Variants in RNF157 observed in about 807,000 individuals in gnomAD.
RNF157 encodes the protein ring finger protein 157, also known as E3 ubiquitin ligase RNF157.
RNF157 carries 55 observed loss-of-function variants against 88.3 expected under a neutral mutation model. That is an observed-to-expected ratio of 0.62 (90% CI 0.50 to 0.78). The LOEUF is 0.78. Among genes scored for constraint, RNF157 ranks in the 30% least tolerant of loss-of-function variants. The pLI, the probability that RNF157 is intolerant of heterozygous loss-of-function variation, is 0.00. For synonymous variants in RNF157, 334 were observed against 341.2 expected (o/e 0.98, Z 0.23); for missense variants, 788 against 860.8 (o/e 0.92, Z 1.06).
chr17:76,149,154 AG>A (rs2068634238), intron 18 of RNF157, among the ~76,000 whole-genome samples: 1 of 152,064 alleles, frequency 6.6e-6, no homozygotes, highest in African/African-American at 2.4e-5. Flanking sequence ...GAAGCTTCTT[AG>A]GGGGAGAGGG....
In RNF157 at chr17:76,191,573, C is replaced by G. The variant is rs146403963; in HGVS notation, c.208-17783G>C. Among the ~76,000 whole-genome samples, 397 of 146,828 alleles carry G rather than the reference C, an allele frequency of 2.7e-3. 4 individuals carry two copies. Among genetic ancestry groups the G allele is most frequent in the African/African-American group, 9.6e-3 (377 of 39,172 alleles). On this transcript the variant is annotated intron_variant, in intron 2 of 18. Coordinates refer to ENST00000269391, the MANE Select transcript of RNF157 (RefSeq NM_052916.3). ...CTGAGATCACGCCACTGCACTCCAG[C>G]CTGGGCGACAGAGCAAGACTCCGCC...
intron 13 of RNF157, 136 bp from the exon 14 acceptor site, chr17:76,156,457 G>A (rs1016591682): frequency 5.3e-5 from 77 of 1,464,604 alleles, no homozygotes; most frequent in Non-Finnish European, 6.3e-5. Flanking sequence ...GGCATGCAGA[G>A]GCCGCAGCTT....
At position 76,161,800 on chromosome 17, in the gene RNF157, C is replaced by T. The variant is rs2068849306; in HGVS notation, c.952+43G>A. On this transcript the variant is annotated intron_variant, in intron 10 of 18. Transcript: ENST00000269391. The surrounding 1 kb of genome is among the most constrained non-coding windows in gnomAD (Gnocchi z 4.6). The stretch of plus-strand genomic sequence containing the variant: ...CAGTGTTTTGTAAATGTCCTCTTGT[C>T]CCCTCTCCCACCCACCAGTCCCCCT... 1.2e-6 allele frequency: 2 copies of T among 1,601,318 alleles called. No individual in the cohort carries two copies. Among genetic ancestry groups the T allele is most frequent in the Non-Finnish European group, 1.7e-6 (2 of 1,171,208 alleles).
chr17:76,150,850 C>T (rs1293996680), intron 18 of RNF157, among the ~76,000 whole-genome samples: 1 of 152,224 alleles, frequency 6.6e-6, no homozygotes, highest in Non-Finnish European at 1.5e-5. Context: ...TGTGTGCGTG[C>T]CCAGCAAGCT....
chr17:76,146,909 C>T lies in RNF157; in HGVS notation c.1922-1556G>A, dbSNP rs1196840463. The T allele has an allele frequency of 1.0e-6, 1 of 985,298 alleles. No individual in the cohort carries two copies. Among genetic ancestry groups the T allele is most frequent in the Non-Finnish European group, 1.2e-6 (1 of 829,922 alleles). The allele number at this position is 985,298 out of a possible 1,614,324, so 61.0% of individuals were successfully genotyped here. ...TCAGGCCAGCCCAGGACATGAAACC[C>T]TTTAATGGCATGTAGAGTCAACAGG... On this transcript the variant is annotated intron_variant, in intron 18 of 18. Coordinates refer to ENST00000269391, the MANE Select transcript of RNF157 (RefSeq NM_052916.3). This position sits in a 1 kb window ranked among gnomAD's most constrained non-coding sequence, Gnocchi z 4.2.
chr17:76,196,769 G>C (rs2069484656), intron 2 of RNF157, among the ~76,000 whole-genome samples: 2 of 152,076 alleles, frequency 1.3e-5, no homozygotes, highest in Admixed American at 1.3e-4. Context: ...GAGTCTTCCT[G>C]ATTCCCTATC....
chr17:76,173,859 G>A, intron 2 of RNF157, 69 bp from the exon 3 acceptor site: 2 of 1,358,486 alleles, frequency 1.5e-6, no homozygotes, highest in South Asian at 2.5e-5. Flanking sequence ...TCGCTTTACA[G>A]TTTGCCAAGA....
chr17:76,173,241 G>T (rs2069048007), intron 3 of RNF157, among the ~76,000 whole-genome samples: 1 of 151,846 alleles, frequency 6.6e-6, no homozygotes, highest in Non-Finnish European at 1.5e-5. Context: ...AGCCGAGATT[G>T]CGCCACTGCA....
At chr17:76,187,450 C>G (rs2069312263) in intron 2 of RNF157, among the ~76,000 whole-genome samples, 1 of 152,028 alleles carries the variant, frequency 6.6e-6, no homozygotes, top group South Asian at 2.1e-4. Context: ...ACCCAAAGTG[C>G]TGGGATTACA....
At chr17:76,214,087 G>A (rs1263450712) in intron 1 of RNF157, among the ~76,000 whole-genome samples, 1 of 152,162 alleles carries the variant, frequency 6.6e-6, no homozygotes, top group Non-Finnish European at 1.5e-5. Context: ...CTTTCTGGTT[G>A]GTTAGTTGGA....
chr17:76,156,792 C>T (rs1371343764), intron 13 of RNF157, among the ~76,000 whole-genome samples: 1 of 152,196 alleles, frequency 6.6e-6, no homozygotes, highest in African/African-American at 2.4e-5. Flanking sequence ...CAGCCTGCTG[C>T]TCCTCCCACA....
chr17:76,158,187 C>T lies in RNF157; in HGVS notation c.1413+206G>A, dbSNP rs554794795. Among the ~76,000 whole-genome samples the T allele has an allele frequency of 7.2e-5, 11 of 152,334 alleles. No homozygotes were observed. In the South Asian group the frequency reaches 2.3e-3, roughly 32 times the overall value. On this transcript the variant is annotated intron_variant, in intron 13 of 18. Transcript: ENST00000269391. ...TTTGTAGTGTCCCAGCTACTATCCT[C>T]AGCATATAGCACAGTGCCTGGCAAA... is the stretch of plus-strand genomic sequence containing the variant.
chr17:76,234,030 T>C (rs1270965825), intron 1 of RNF157, among the ~76,000 whole-genome samples: 1 of 152,194 alleles, frequency 6.6e-6, no homozygotes, highest in African/African-American at 2.4e-5. Flanking sequence ...CCTCAGCCTC[T>C]GGCAGCCGCA....
At chr17:76,217,010 T>C (rs1288845728) in intron 1 of RNF157, among the ~76,000 whole-genome samples, 11 of 152,188 alleles carry the variant, frequency 7.2e-5, no homozygotes, top group Admixed American at 5.9e-4. Context: ...GTTGGCAAAA[T>C]TGTTCTTACT....
chr17:76,225,296 G>A (rs1166987960), intron 1 of RNF157, among the ~76,000 whole-genome samples: 1 of 152,134 alleles, frequency 6.6e-6, no homozygotes. Flanking sequence ...ACCAGCCTGG[G>A]CAACATAGCA....
intron 2 of RNF157, among the ~76,000 whole-genome samples, chr17:76,205,120 C>T (rs2069657565): frequency 6.6e-6 from 1 of 151,342 alleles, no homozygotes; most frequent in African/African-American, 2.4e-5. Context: ...TCCCTCCCTT[C>T]CTCTTTTCTT....
At position 76,167,557 on chromosome 17, in the gene RNF157, C is replaced by G; in HGVS notation, c.443+94G>C. The G allele has an allele frequency of 3.2e-6, 5 of 1,556,950 alleles. No homozygotes were observed. In the Admixed American group the frequency reaches 5.3e-5, roughly 16 times the overall value. The stretch of plus-strand genomic sequence containing the variant: ...CTGGGAAGGAAGTGGCTCGCCTGGT[C>G]TCCTGATCTTACCTGGTAATACCAT... On this transcript the variant is annotated intron_variant, in intron 4 of 18. Transcript: ENST00000269391.
intron 2 of RNF157, among the ~76,000 whole-genome samples, chr17:76,177,980 C>A (rs984746905): frequency 6.6e-6 from 1 of 152,190 alleles, no homozygotes; most frequent in East Asian, 1.9e-4. Flanking sequence ...CTACCCACTG[C>A]GGGTATCCTC....
At chr17:76,150,939 A>G (rs2068665150) in intron 18 of RNF157, among the ~76,000 whole-genome samples, 1 of 152,254 alleles carries the variant, frequency 6.6e-6, no homozygotes, top group Non-Finnish European at 1.5e-5. Flanking sequence ...TCTAGAGAAC[A>G]TACATGAGTT....
Sources: allele counts gnomAD v4.1 joint callset (sites outside exome capture counted in the v4.1 genomes callset), GRCh38; gene constraint gnomAD v4.1.1; non-coding constraint Gnocchi (gnomAD v3.1); transcripts MANE v1.5; gene names NCBI Gene and HGNC (gene_info 2026-07-23, HGNC 2026-07-21).